ACAP2: variants seen among roughly 807,000 people sequenced by gnomAD.
ACAP2 encodes arf-GAP with coiled-coil, ANK repeat and PH domain-containing protein 2.
Under a neutral mutation model 115.8 loss-of-function variants are expected in ACAP2, and 39 were observed. The observed-to-expected ratio is 0.34, with a 90% CI of 0.26 to 0.44. The LOEUF (loss-of-function observed/expected upper bound fraction) is 0.44. Among genes scored for constraint, ACAP2 ranks in the 20% least tolerant of loss-of-function variants. The probability of loss-of-function intolerance (pLI) is 1.00; values close to 1 mark genes in which losing one functional copy is unlikely to be tolerated. For missense variants in ACAP2, 662 were observed against 927.6 expected (o/e 0.71, Z 3.72); for synonymous variants, 289 against 315.8 (o/e 0.92, Z 0.90).
At chr3:195,426,376 C>T (rs1448118486) in intron 1 of ACAP2, among the ~76,000 whole-genome samples, 2 of 152,090 alleles carry the variant, frequency 1.3e-5, no homozygotes, top group African/African-American at 4.8e-5. Context: ...AATGAGTATT[C>T]GTGCCAAAAA....
intron 4 of ACAP2, among the ~76,000 whole-genome samples, chr3:195,352,279 C>G (rs1421369946): frequency 6.6e-6 from 1 of 152,038 alleles, no homozygotes; most frequent in African/African-American, 2.4e-5. Context: ...GCTACACTGC[C>G]TAGGTTTGTG....
At chr3:195,390,373 A>AT (rs1734586983) in intron 2 of ACAP2, among the ~76,000 whole-genome samples, 4 of 152,150 alleles carry the variant, frequency 2.6e-5, no homozygotes, top group Admixed American at 2.6e-4. Context: ...ACTACTATAT[A>AT]TTACAGGGCT....
chr3:195,433,304 GT>G, intron 1 of ACAP2, among the ~76,000 whole-genome samples: 1 of 150,616 alleles, frequency 6.6e-6, no homozygotes, highest in East Asian at 1.9e-4. Context: ...ATTTTTTATT[GT>G]TTTTTTCCAA....
At position 195,302,210 on chromosome 3, in the gene ACAP2, A is replaced by G. The variant is rs1394474631; in HGVS notation, c.1117-36T>C. 5 of 1,564,512 alleles carry G rather than the reference A, an allele frequency of 3.2e-6. No individual in the cohort carries two copies. The African/African-American group carries it at 5.5e-5, about 17-fold the overall frequency. On this transcript the variant is annotated intron_variant, in intron 13 of 22. Transcript: ENST00000326793. Reference sequence around the variant, plus strand: ...TAAGAATTACTTGTTTTTAAAAAAAAAAAAGATTGAAATACTTTGTTGCAC... The same window carrying G: ...TAAGAATTACTTGTTTTTAAAAAAAGAAAAGATTGAAATACTTTGTTGCAC...
At chr3:195,320,568 G>A (rs1173780392) in intron 10 of ACAP2, 133 bp downstream of exon 10, 11 of 550,496 alleles carry the variant, frequency 2.0e-5, no homozygotes, top group Admixed American at 6.1e-5. Flanking sequence ...ATCTTCAATA[G>A]ACTGGGTTCA....
chr3:195,318,691 T>C (rs763273134), intron 10 of ACAP2, among the ~76,000 whole-genome samples: 2 of 152,210 alleles, frequency 1.3e-5, no homozygotes, highest in African/African-American at 4.8e-5. Context: ...TGTACCATTA[T>C]ATGCGTTCAC....
chr3:195,436,908 T>C (rs1715585978), intron 1 of ACAP2, among the ~76,000 whole-genome samples: 1 of 152,148 alleles, frequency 6.6e-6, no homozygotes, highest in Non-Finnish European at 1.5e-5. Context: ...TTGCATTACA[T>C]GAAACTTAAA....
chr3:195,436,138 T>A (rs913141178), intron 1 of ACAP2, among the ~76,000 whole-genome samples: 8 of 150,352 alleles, frequency 5.3e-5, no homozygotes, highest in African/African-American at 1.9e-4. Context: ...TATATATTTT[T>A]TTTTTTTGGA....
rs869120673 is a variant in ACAP2 at position 195,412,164 on chromosome 3, CAAAAAAAA to C, written c.54-20025_54-20018del. On this transcript the variant is annotated intron_variant, in intron 1 of 22. Transcript: ENST00000326793. ...TGGGTCACAGAGTGAGACCCTGTCT[CAAAAAAAA>C]AAAAAAAAAAAAAAAAAAGAATTGG... 6.8e-4 allele frequency among the ~76,000 whole-genome samples: 33 copies of C among 48,594 alleles called. No homozygotes were observed. The East Asian group carries it at 0.019, about 29-fold the overall frequency. 31.9% of individuals were successfully genotyped at this position (48,594 alleles called of 152,430 possible).
chr3:195,279,224 T>A lies in ACAP2; in HGVS notation c.*104A>T. The A allele has an allele frequency of 2.8e-6, 2 of 704,336 alleles. No individual in the cohort carries two copies. The highest frequency in any genetic ancestry group is 4.7e-6 in the Non-Finnish European group (2 of 425,508). 43.6% of individuals were successfully genotyped at this position (704,336 alleles called of 1,614,324 possible). On this transcript the variant is annotated 3_prime_UTR_variant, in exon 23 of 23. Coordinates refer to ENST00000326793, the MANE Select transcript of ACAP2 (RefSeq NM_012287.6). Reference sequence around the variant, plus strand: ...TACCTCTTTTCCAAGCCATTCAATATCTACCAAAATTAAGTAGAATTAAAG... The same window carrying A: ...TACCTCTTTTCCAAGCCATTCAATAACTACCAAAATTAAGTAGAATTAAAG...
At chr3:195,300,403 TCTA>T (rs1727971579) in intron 15 of ACAP2, among the ~76,000 whole-genome samples, 1 of 152,220 alleles carries the variant, frequency 6.6e-6, no homozygotes, top group Non-Finnish European at 1.5e-5. Flanking sequence ...TCATCTATTT[TCTA>T]CAATATGGTA....
chr3:195,383,826 A>G (rs1734107003), intron 2 of ACAP2, among the ~76,000 whole-genome samples: 2 of 152,234 alleles, frequency 1.3e-5, no homozygotes, highest in African/African-American at 2.4e-5. Flanking sequence ...GGTAACATAC[A>G]TGCAGAGATA....
At chr3:195,428,876 C>T (rs1714892145) in intron 1 of ACAP2, among the ~76,000 whole-genome samples, 3 of 152,126 alleles carry the variant, frequency 2.0e-5, no homozygotes, top group African/African-American at 7.2e-5. Flanking sequence ...TAATGCTTTG[C>T]AGTTTCTTAT....
intron 10 of ACAP2, 104 bp downstream of exon 10, chr3:195,320,597 T>TTC: frequency 2.8e-6 from 2 of 707,418 alleles, no homozygotes; most frequent in Admixed American, 5.3e-5. Flanking sequence ...TCTATGGAAT[T>TTC]TACAGAAGTT....
intron 22 of ACAP2, among the ~76,000 whole-genome samples, chr3:195,281,576 A>C (rs1726514949): frequency 1.3e-5 from 2 of 152,200 alleles, no homozygotes; most frequent in Non-Finnish European, 2.9e-5. Flanking sequence ...AAAAAGAAAA[A>C]AACAGTAAGA....
intron 1 of ACAP2, among the ~76,000 whole-genome samples, chr3:195,396,881 CAA>C (rs533312823): frequency 1.5e-5 from 2 of 129,648 alleles, no homozygotes; most frequent in Non-Finnish European, 1.7e-5. Context: ...CAACCACCAC[CAA>C]AAAAAAAAAA....
At chr3:195,313,600 C>T (rs960645266) in intron 10 of ACAP2, among the ~76,000 whole-genome samples, 20 of 152,158 alleles carry the variant, frequency 1.3e-4, no homozygotes, top group Non-Finnish European at 4.4e-5. Context: ...TCTTATAATA[C>T]AAAAGGCCAA....
intron 4 of ACAP2, among the ~76,000 whole-genome samples, chr3:195,375,890 AAAGAT>A (rs1459599956): frequency 6.6e-6 from 1 of 152,252 alleles, no homozygotes; most frequent in African/African-American, 2.4e-5. Context: ...TGCATTCAGC[AAAGAT>A]AATAATCAAA....
At chr3:195,280,716 A>C (rs1726444318) in intron 22 of ACAP2, 1 of 152,178 alleles carries the variant, frequency 6.6e-6, no homozygotes, top group Non-Finnish European at 1.5e-5. Flanking sequence ...TGAGAAACTA[A>C]ATATACACAC....
Sources: gnomAD v4.1 joint callset for allele counts (sites outside exome capture counted in the v4.1 genomes callset) on GRCh38, gnomAD v4.1.1 for gene constraint, MANE v1.5 for transcripts, NCBI Gene and HGNC (gene_info 2026-07-23, HGNC 2026-07-21) for gene names.